Variants in MCTP1 observed in about 807,000 individuals in gnomAD.
The protein encoded by MCTP1 is multiple C2 and transmembrane domain containing 1, also known as multiple C2 and transmembrane domain-containing protein 1.
A neutral mutation model predicts 120.6 loss-of-function variants in MCTP1; 69 were observed. The ratio of observed to expected loss-of-function variants is 0.57; its 90% confidence interval spans 0.47 to 0.70. MCTP1 has a LOEUF of 0.70. Ranked by LOEUF, MCTP1 falls within the 30% of genes least tolerant of loss-of-function variation. MCTP1 has a pLI of 0.00. For synonymous variants in MCTP1, 529 were observed against 493.1 expected (o/e 1.07, Z -0.96); for missense variants, 1,203 against 1,248.8 (o/e 0.96, Z 0.55).
At chr5:94,824,786 A>G (rs1435664732) in intron 17 of MCTP1, among the ~76,000 whole-genome samples, 1 of 152,108 alleles carries the variant, frequency 6.6e-6, no homozygotes, top group African/African-American at 2.4e-5. Context: ...GTGTCCAGGA[A>G]TTTATCCATT....
In MCTP1 at chr5:94,734,525, G is replaced by A. The variant is rs546354602; in HGVS notation, c.2611-19639C>T. ...AGAAGTCAGGCCTGATCTGGAATCT[G>A]TTATATTGAACATATACATTTGTTG... On this transcript the variant is annotated intron_variant, in intron 19 of 22. Coordinates refer to ENST00000515393, the MANE Select transcript of MCTP1 (RefSeq NM_024717.7). 1.9e-3 allele frequency among the ~76,000 whole-genome samples: 292 copies of A among 152,294 alleles called. 1 individual carries two copies. The highest frequency in any genetic ancestry group is 6.4e-3 in the African/African-American group (264 of 41,562).
At chr5:94,748,496 A>G (rs1434072315) in intron 19 of MCTP1, among the ~76,000 whole-genome samples, 1 of 152,234 alleles carries the variant, frequency 6.6e-6, no homozygotes, top group Admixed American at 6.5e-5. Context: ...GCTACAGGAC[A>G]AAACCCATGA....
intron 1 of MCTP1, among the ~76,000 whole-genome samples, chr5:95,220,952 G>C (rs1455500414): frequency 6.6e-6 from 1 of 152,160 alleles, no homozygotes; most frequent in Non-Finnish European, 1.5e-5. Flanking sequence ...GAGACGTGTT[G>C]CAAACATCAG....
intron 20 of MCTP1, among the ~76,000 whole-genome samples, chr5:94,714,510 T>C (rs1481504881): frequency 6.6e-6 from 1 of 152,176 alleles, no homozygotes; most frequent in African/African-American, 2.4e-5. Context: ...GTGAAAAATG[T>C]GCTAAAATTT....
chr5:94,802,012 T>G (rs1017922936), intron 17 of MCTP1, among the ~76,000 whole-genome samples: 6 of 152,212 alleles, frequency 3.9e-5, no homozygotes, highest in Non-Finnish European at 8.8e-5. Flanking sequence ...AAGGTATTTT[T>G]ATATGTCCTA....
chr5:94,840,019 G>C (rs1790655067), intron 17 of MCTP1, among the ~76,000 whole-genome samples: 1 of 152,124 alleles, frequency 6.6e-6, no homozygotes, highest in Non-Finnish European at 1.5e-5. Context: ...CTAGAGCAAT[G>C]ACCTCAGGCA....
intron 1 of MCTP1, among the ~76,000 whole-genome samples, chr5:95,189,151 T>G (rs969886182): frequency 1.3e-5 from 2 of 152,124 alleles, no homozygotes; most frequent in Non-Finnish European, 2.9e-5. Context: ...ATGAACAAAT[T>G]GTTCATACAT....
intron 12 of MCTP1, among the ~76,000 whole-genome samples, chr5:94,883,178 T>C (rs1389106435): frequency 1.3e-5 from 2 of 152,212 alleles, no homozygotes; most frequent in African/African-American, 4.8e-5. Context: ...AAGATTTATA[T>C]AGTATTAATA....
At chr5:95,039,478 T>C (rs1367289544) in intron 1 of MCTP1, among the ~76,000 whole-genome samples, 1 of 152,180 alleles carries the variant, frequency 6.6e-6, no homozygotes, top group African/African-American at 2.4e-5. Flanking sequence ...GGCTGAGGCA[T>C]AAATAATAAT....
intron 1 of MCTP1, among the ~76,000 whole-genome samples, chr5:95,083,245 A>G (rs573588982): frequency 6.6e-6 from 1 of 152,330 alleles, no homozygotes; most frequent in African/African-American, 2.4e-5. Flanking sequence ...TACACTGGGC[A>G]ACACTTTCTT....
chr5:94,782,716 AAT>A (rs1314674796), intron 18 of MCTP1, among the ~76,000 whole-genome samples: 1 of 152,102 alleles, frequency 6.6e-6, no homozygotes, highest in African/African-American at 2.4e-5. Flanking sequence ...AATAAAACCA[AAT>A]AAGCACTACA....
chr5:95,201,068 C>T (rs898839911), intron 1 of MCTP1, among the ~76,000 whole-genome samples: 3 of 152,180 alleles, frequency 2.0e-5, no homozygotes, highest in Admixed American at 2.0e-4. Flanking sequence ...TCCAAGCCTA[C>T]TGAATTGGAA....
chr5:94,888,542 T>G (rs564979651), intron 12 of MCTP1, among the ~76,000 whole-genome samples: 2 of 152,316 alleles, frequency 1.3e-5, no homozygotes, highest in East Asian at 3.9e-4. Flanking sequence ...GTGTTGATGC[T>G]ATGAGGGAAG....
At chr5:95,195,196 A>G (rs1750240847) in intron 1 of MCTP1, among the ~76,000 whole-genome samples, 2 of 152,200 alleles carry the variant, frequency 1.3e-5, no homozygotes, top group South Asian at 4.1e-4. Flanking sequence ...GCTCTTGCTT[A>G]TGATGTTTCC....
intron 3 of MCTP1, among the ~76,000 whole-genome samples, chr5:94,951,548 G>T (rs753512966): frequency 6.6e-5 from 10 of 152,076 alleles, no homozygotes; most frequent in Admixed American, 2.6e-4. Flanking sequence ...ATTAATACCT[G>T]CTTTCTTTCC....
At chr5:95,269,618 A>G (rs1759198964) in intron 1 of MCTP1, among the ~76,000 whole-genome samples, 3 of 152,244 alleles carry the variant, frequency 2.0e-5, no homozygotes, top group African/African-American at 2.4e-5. Flanking sequence ...GGACAGTCAG[A>G]CTCAATCACA....
chr5:95,069,220 G>T (rs540770674), intron 1 of MCTP1, among the ~76,000 whole-genome samples: 13 of 152,258 alleles, frequency 8.5e-5, no homozygotes, highest in African/African-American at 3.1e-4. Flanking sequence ...CAAATTATTG[G>T]TAAGTCAGGG....
At chr5:95,274,984 A>T (rs1320211053) in intron 1 of MCTP1, among the ~76,000 whole-genome samples, 1 of 152,118 alleles carries the variant, frequency 6.6e-6, no homozygotes, top group Non-Finnish European at 1.5e-5. Context: ...CAACCACTGC[A>T]GCCTCACCTT....
chr5:95,016,961 A>G (rs1363992419), intron 2 of MCTP1, among the ~76,000 whole-genome samples: 1 of 152,168 alleles, frequency 6.6e-6, no homozygotes, highest in African/African-American at 2.4e-5. Context: ...GAGAGATATT[A>G]GTCCTGGGTC....
Sources: allele counts gnomAD v4.1 joint callset (sites outside exome capture counted in the v4.1 genomes callset), GRCh38; gene constraint gnomAD v4.1.1; transcripts MANE v1.5; gene names NCBI Gene and HGNC (gene_info 2026-07-23, HGNC 2026-07-21).